TBCEL: variants seen among roughly 807,000 people sequenced by gnomAD.
The protein encoded by TBCEL is tubulin folding cofactor E like.
In TBCEL, 15 loss-of-function variants were observed where a neutral mutation model predicts 44.2. The observed-to-expected ratio is 0.34, with a 90% confidence interval of 0.23 to 0.52. TBCEL has a LOEUF of 0.52. TBCEL is among the 20% of genes least tolerant of loss of function. The pLI is 0.95. For missense variants in TBCEL, 319 were observed against 506.3 expected, an observed-to-expected ratio of 0.63 and a Z score of 3.55; for synonymous variants, 171 against 185.4, an observed-to-expected ratio of 0.92 and a Z score of 0.63.
intron 1 of TBCEL, among the ~76,000 whole-genome samples, chr11:121,024,868 G>A (rs1318153239): frequency 1.3e-5 from 2 of 152,152 alleles, no homozygotes; most frequent in Non-Finnish European, 2.9e-5. Flanking sequence ...AGGGCTTTTG[G>A]GAGAAAAGAT....
intron 8 of TBCEL, among the ~76,000 whole-genome samples, chr11:121,063,347 A>G (rs1389071650): frequency 2.0e-5 from 3 of 152,144 alleles, no homozygotes; most frequent in African/African-American, 7.2e-5. Context: ...CCCCATAGTT[A>G]TATTTTTAAA....
chr11:121,072,873 G>A (rs1279399769), intron 8 of TBCEL, among the ~76,000 whole-genome samples: 1 of 151,868 alleles, frequency 6.6e-6, no homozygotes, highest in Non-Finnish European at 1.5e-5. Flanking sequence ...TACTTTTTAT[G>A]TATAGTTTCA....
At chr11:121,045,879 A>C in intron 3 of TBCEL, 56 bp downstream of exon 3, 1 of 1,458,188 alleles carries the variant, frequency 6.9e-7, no homozygotes, top group Admixed American at 2.6e-5. Context: ...AGGATGTTAA[A>C]TCACAGTGTT....
At chr11:121,062,671 C>G (rs1046827953) in intron 8 of TBCEL, among the ~76,000 whole-genome samples, 8 of 152,052 alleles carry the variant, frequency 5.3e-5, no homozygotes, top group African/African-American at 1.9e-4. Context: ...TTCTTGAATG[C>G]GAGTCATAGA....
chr11:121,046,373 G>A (rs186520677), intron 3 of TBCEL, among the ~76,000 whole-genome samples: 10 of 152,212 alleles, frequency 6.6e-5, no homozygotes, highest in African/African-American at 1.9e-4. Flanking sequence ...TCTGTAACTA[G>A]AAGTGTGCAA....
intron 4 of TBCEL, 116 bp downstream of exon 4, chr11:121,047,783 T>C (rs1945456034): frequency 7.8e-7 from 1 of 1,274,820 alleles, no homozygotes; most frequent in African/African-American, 1.5e-5. Context: ...GTATGACTTC[T>C]TGTTGTCTGT....
chr11:121,079,965 C>T (rs1946095682), intron 8 of TBCEL, among the ~76,000 whole-genome samples: 1 of 152,116 alleles, frequency 6.6e-6, no homozygotes, highest in African/African-American at 2.4e-5. Flanking sequence ...CAGGCGCACA[C>T]CACCACGTCT....
intron 2 of TBCEL, among the ~76,000 whole-genome samples, chr11:121,042,690 A>G (rs1945356094): frequency 6.6e-6 from 1 of 152,186 alleles, no homozygotes; most frequent in Non-Finnish European, 1.5e-5. Context: ...CTCAGTGAGC[A>G]TCTCCTGTGT....
chr11:121,041,161 GGT>G (rs1945325875), intron 2 of TBCEL, among the ~76,000 whole-genome samples: 1 of 152,094 alleles, frequency 6.6e-6, no homozygotes, highest in African/African-American at 2.4e-5. Context: ...CAGTGTTAGT[GGT>G]CAGACATGGC....
intron 2 of TBCEL, among the ~76,000 whole-genome samples, chr11:121,041,309 T>C (rs1945328890): frequency 6.6e-6 from 1 of 152,152 alleles, no homozygotes; most frequent in South Asian, 2.1e-4. Context: ...GGATGTTCTG[T>C]TCTGATTTTA....
intron 2 of TBCEL, 33 bp from the exon 3 acceptor site, chr11:121,045,641 T>C: frequency 6.6e-7 from 1 of 1,509,688 alleles, no homozygotes; most frequent in Non-Finnish European, 8.9e-7. Flanking sequence ...AATACATAAT[T>C]ACATAATTTG....
At chr11:121,080,725 A>G (rs1325532341) in intron 8 of TBCEL, among the ~76,000 whole-genome samples, 30 of 152,246 alleles carry the variant, frequency 2.0e-4, no homozygotes, top group Admixed American at 1.9e-3. Context: ...GTCTTTTTCA[A>G]ATAGTGTACC....
At chr11:121,067,167 T>C (rs1945836471) in intron 8 of TBCEL, among the ~76,000 whole-genome samples, 1 of 152,198 alleles carries the variant, frequency 6.6e-6, no homozygotes, top group South Asian at 2.1e-4. Flanking sequence ...CGAATGTCCT[T>C]TATGGTAGCA....
rs190665940 is a variant in TBCEL, at chr11:121,058,049, A to G, written c.713-296A>G. ...ATACATCCTGCTTATTGATGAAACT[A>G]CTACCAGTGACCCCTCTTTATAAGT... On this transcript the variant is annotated intron_variant, in intron 6 of 8. Transcript: ENST00000683345. Among the ~76,000 whole-genome samples, 89 of 151,994 alleles carry G rather than the reference A, an allele frequency of 5.9e-4. 1 individual carries two copies. In the East Asian group the frequency reaches 8.9e-3, roughly 15 times the overall value.
intron 8 of TBCEL, among the ~76,000 whole-genome samples, chr11:121,072,957 A>AT (rs1427452701): frequency 6.6e-6 from 1 of 152,030 alleles, no homozygotes; most frequent in Non-Finnish European, 1.5e-5. Context: ...CATATGTCTT[A>AT]TTTTTTGTAT....
chr11:121,073,251 A>G (rs137888028), intron 8 of TBCEL, among the ~76,000 whole-genome samples: 18 of 152,102 alleles, frequency 1.2e-4, no homozygotes, highest in African/African-American at 4.3e-4. Context: ...TTACATTGTG[A>G]TGCTATTGTA....
rs987699916 is a variant in TBCEL at position 121,090,718 on chromosome 11, C to G, written c.*3622C>G. 6.7e-6 allele frequency: 1 copy of G among 150,210 alleles called. No homozygotes were observed. The highest frequency in any genetic ancestry group is 1.5e-5 in the Non-Finnish European group (1 of 67,672). The allele number at this position is 150,210 out of a possible 1,614,324, so 9.3% of individuals were successfully genotyped here. On this transcript the variant is annotated 3_prime_UTR_variant, in exon 9 of 9. Transcript: ENST00000683345. ...TAAACATGAAGGTCTATTCTTTGCA[C>G]TTTTTATTAATATATATATAGATAA...
chr11:121,073,546 A>G (rs537191716), intron 8 of TBCEL, among the ~76,000 whole-genome samples: 4 of 151,892 alleles, frequency 2.6e-5, no homozygotes, highest in East Asian at 1.9e-4. Context: ...TTGGATTTCT[A>G]TTTAGACAGT....
intron 1 of TBCEL, among the ~76,000 whole-genome samples, chr11:121,033,816 G>A (rs1279933195): frequency 6.6e-6 from 1 of 151,872 alleles, no homozygotes; most frequent in Non-Finnish European, 1.5e-5. Flanking sequence ...TCCACTCCCC[G>A]TGCCCTCTGG....
Sources: gnomAD v4.1 joint callset for allele counts (sites outside exome capture counted in the v4.1 genomes callset) on GRCh38, gnomAD v4.1.1 for gene constraint, MANE v1.5 for transcripts, NCBI Gene and HGNC (gene_info 2026-07-23, HGNC 2026-07-21) for gene names.